POP1: variants seen among roughly 807,000 people sequenced by gnomAD.
POP1 encodes the protein ribonucleases P/MRP protein subunit POP1.
In POP1, 75 loss-of-function variants were observed where a neutral mutation model predicts 102.2. The ratio of observed to expected loss-of-function variants is 0.73; its 90% CI spans 0.61 to 0.89. The LOEUF (loss-of-function observed/expected upper bound fraction) is 0.89, where lower values mean the gene tolerates loss of function less well. Among genes scored for constraint, POP1 ranks in the 40% least tolerant of loss-of-function variants. The probability of loss-of-function intolerance (pLI) is 0.00; values close to 1 mark genes in which losing one functional copy is unlikely to be tolerated. For synonymous variants in POP1, 436 were observed against 464.1 expected (o/e 0.94, Z 0.78); for missense variants, 1,116 against 1,267.4 (o/e 0.88, Z 1.81).
chr8:98,140,928 C>A, intron 11 of POP1, 40 bp downstream of exon 11: 1 of 1,605,856 alleles, frequency 6.2e-7, no homozygotes, highest in Non-Finnish European at 8.5e-7. Flanking sequence ...CTTACTATTT[C>A]GAGCAGTCCA....
rs1317275112 is a variant in POP1 at position 98,128,386 on chromosome 8, G to A, written c.332G>A (p.Arg111Gln). 5 of 1,614,030 alleles carry A rather than the reference G, an allele frequency of 3.1e-6. No individual in the cohort carries two copies. The highest frequency in any genetic ancestry group is 1.7e-5 in the Admixed American group (1 of 60,020). The stretch of plus-strand genomic sequence containing the variant: ...ACAGCTTCTACTTTTGCTCAAGCAC[G>A]AGCTGCTGAAATCAGTGCTATGTTA... ...YITASTFAQARAAEISAMLKA... is the reference protein window; with the variant it reads ...YITASTFAQAQAAEISAMLKA... Residue 111 changes from arginine (R) to glutamine (Q), a missense_variant, in exon 4 of 16, where the codon CGA becomes CAA. Transcript: ENST00000401707.
At chr8:98,154,335 C>T (rs1174546112) in intron 14 of POP1, among the ~76,000 whole-genome samples, 3 of 151,968 alleles carry the variant, frequency 2.0e-5, no homozygotes, top group African/African-American at 7.3e-5. Context: ...AGGGGAGGGA[C>T]GGTGGTGTGA....
chr8:98,149,628 A>G (rs1465617281), intron 13 of POP1, among the ~76,000 whole-genome samples: 2 of 152,062 alleles, frequency 1.3e-5, no homozygotes. Context: ...GTGGTGGTGC[A>G]TACCTGTAAT....
At chr8:98,131,054 AC>A (rs1816365713) in intron 5 of POP1, among the ~76,000 whole-genome samples, 1 of 152,226 alleles carries the variant, frequency 6.6e-6, no homozygotes, top group Admixed American at 6.5e-5. Context: ...GTCCTTTGAT[AC>A]CCCTTGAGAG....
At chr8:98,136,998 T>G (rs1473819340) in intron 9 of POP1, 44 bp downstream of exon 9, 1 of 1,524,144 alleles carries the variant, frequency 6.6e-7, no homozygotes, top group Non-Finnish European at 9.1e-7. Context: ...AATCATGTTT[T>G]TCCTGTCAAA....
intron 7 of POP1, among the ~76,000 whole-genome samples, chr8:98,135,911 C>G (rs1816523166): frequency 6.6e-6 from 1 of 151,970 alleles, no homozygotes; most frequent in Admixed American, 6.6e-5. Flanking sequence ...CTATGTTGCC[C>G]AGGCCATGGT....
At position 98,158,856 on chromosome 8, in the gene POP1, A is replaced by G. The variant is rs1175873251; in HGVS notation, c.*585A>G. 6.6e-6 allele frequency: 1 copy of G among 152,376 alleles called. No individual in the cohort carries two copies. Among genetic ancestry groups the G allele is most frequent in the Non-Finnish European group, 1.5e-5 (1 of 68,190 alleles). The allele number at this position is 152,376 out of a possible 1,614,324, so 9.4% of individuals were successfully genotyped here. On this transcript the variant is annotated 3_prime_UTR_variant, in exon 16 of 16. Coordinates refer to ENST00000401707, the MANE Select transcript of POP1 (RefSeq NM_001145860.2). ...TTTATGGCGTCAGTGCTAGGCTGGA[A>G]TTAGAAAGTGGGGGTCTATGACGTG...
intron 12 of POP1, 26 bp from the exon 13 acceptor site, chr8:98,148,789 T>G: frequency 6.3e-7 from 1 of 1,597,198 alleles, no homozygotes; most frequent in East Asian, 2.2e-5. Flanking sequence ...GGGCTATTTG[T>G]CTTGAATTAT....
Position 98,117,322 on chromosome 8 carries a change from T to G in POP1, c.-71T>G. ...GCTCTCCAGCGCGCTCTCCAGGAGC[T>G]TTGGCTCGGTGGGTACTGTCGCGGA... is the stretch of plus-strand genomic sequence containing the variant. On this transcript the variant is annotated 5_prime_UTR_variant, in exon 1 of 16. Transcript: ENST00000401707. The G allele has an allele frequency of 1.7e-6, 1 of 572,988 alleles. No individual in the cohort carries two copies. Among genetic ancestry groups the G allele is most frequent in the Non-Finnish European group, 3.1e-6 (1 of 321,432 alleles). The allele number at this position is 572,988 out of a possible 1,614,324, so 35.5% of individuals were successfully genotyped here. A position where few individuals can be genotyped will look rare whatever the true frequency, so the allele number is the denominator to read the frequency against.
intron 11 of POP1, 74 bp from the exon 12 acceptor site, chr8:98,146,490 GGCCT>G: frequency 1.0e-6 from 1 of 958,966 alleles, no homozygotes; most frequent in Non-Finnish European, 1.7e-6. Context: ...TGTAACAAAA[GGCCT>G]ATTGCCAATG....
chr8:98,134,586 A>G lies in POP1; in HGVS notation c.938A>G (p.Lys313Arg). Residue 313 changes from lysine to arginine, a missense_variant, in exon 7 of 16, where the codon AAG becomes AGG. By Grantham distance (26) the Lys-to-Arg change is conservative. Coordinates refer to ENST00000401707, the MANE Select transcript of POP1 (RefSeq NM_001145860.2). Reference sequence around the variant, plus strand: ...CTTGGGCCTGTTACGTTTATCTGGAAGTCCCAGAGGACCCCGGGTGACCCT... The same window carrying G: ...CTTGGGCCTGTTACGTTTATCTGGAGGTCCCAGAGGACCCCGGGTGACCCT... ...EMLGPVTFIW[K>R]SQRTPGDPSE... 1 of 1,614,218 alleles carries G rather than the reference A, an allele frequency of 6.2e-7. No homozygotes were observed. Among genetic ancestry groups the G allele is most frequent in the Non-Finnish European group, 8.5e-7 (1 of 1,180,018 alleles).
rs1173348372 is a variant in POP1 at position 98,136,569 on chromosome 8, T to G, written c.1099T>G (p.Ser367Ala). 2 of 1,613,730 alleles carry G rather than the reference T, an allele frequency of 1.2e-6. No individual in the cohort carries two copies. Among genetic ancestry groups the G allele is most frequent in the Non-Finnish European group, 1.7e-6 (2 of 1,179,910 alleles). ...CATCGCTGACCCACTTCCAACACCA[T>G]CCCAAGAAAAAAGCCAAACTGAATT... ...VCIADPLPTP[S>A]QEKSQTELPD... is the part of the protein sequence containing the mutation. The change falls in exon 8 of 16, where the codon TCC becomes GCC. Residue 367 changes from serine (S) to alanine (A), a missense_variant. Ser to Ala is a moderately conservative substitution (Grantham distance 99). Coordinates refer to ENST00000401707, the MANE Select transcript of POP1 (RefSeq NM_001145860.2).
chr8:98,148,663 A>G, intron 12 of POP1, 152 bp from the exon 13 acceptor site: 1 of 736,648 alleles, frequency 1.4e-6, no homozygotes, highest in Non-Finnish European at 2.3e-6. Context: ...AATACCTTAT[A>G]CTTAAAATGG....
Position 98,156,271 on chromosome 8 carries a change from G to T in POP1, c.2279G>T (p.Gly760Val), listed in dbSNP as rs941676287. Residue 760 changes from glycine to valine, a missense_variant, in exon 15 of 16, where the codon GGC becomes GTC. By Grantham distance (109) the Gly-to-Val change is moderately radical (BLOSUM62 -3). Transcript: ENST00000401707. ...ACTCATCAGCCATCTGATGAAGTGG[G>T]CACATCCATAGAGCACCCCAGGGAG... ...KKTHQPSDEVGTSIEHPREAE... is the reference protein window; with the variant it reads ...KKTHQPSDEVVTSIEHPREAE... The T allele has an allele frequency of 3.1e-6, 5 of 1,613,994 alleles. No homozygotes were observed. The African/African-American group carries it at 5.3e-5, about 17-fold the overall frequency.
intron 11 of POP1, among the ~76,000 whole-genome samples, chr8:98,144,110 C>T (rs1354153647): frequency 4.6e-5 from 7 of 151,810 alleles, no homozygotes; most frequent in Non-Finnish European, 4.4e-5. Context: ...GAGCTGAGAT[C>T]GCACCACCAC....
intron 11 of POP1, among the ~76,000 whole-genome samples, chr8:98,141,720 A>ATT (rs933222679): frequency 1.1e-4 from 14 of 133,138 alleles, no homozygotes; most frequent in African/African-American, 2.2e-4. Context: ...CGCCTGGCTA[A>ATT]TTTTTTTTTT....
At chr8:98,137,960 A>T (rs1460072279) in intron 9 of POP1, among the ~76,000 whole-genome samples, 1 of 152,200 alleles carries the variant, frequency 6.6e-6, no homozygotes, top group Non-Finnish European at 1.5e-5. Flanking sequence ...GTCAAATACG[A>T]TGATAGAGCT....
intron 1 of POP1, among the ~76,000 whole-genome samples, chr8:98,121,437 TAGAC>T (rs1015507558): frequency 2.2e-4 from 33 of 151,952 alleles, no homozygotes; most frequent in African/African-American, 7.5e-4. Context: ...CCAGGGATAT[TAGAC>T]AGCCTGCTAT....
chr8:98,128,190 A>G (rs1367850842), intron 3 of POP1, among the ~76,000 whole-genome samples, 175 bp from the exon 4 acceptor site: 1 of 151,674 alleles, frequency 6.6e-6, no homozygotes, highest in Non-Finnish European at 1.5e-5. Context: ...CATCCACACT[A>G]CCACAATTAA....
Sources: allele counts gnomAD v4.1 joint callset (sites outside exome capture counted in the v4.1 genomes callset), GRCh38; gene constraint gnomAD v4.1.1; transcripts MANE v1.5; gene names NCBI Gene and HGNC (gene_info 2026-07-23, HGNC 2026-07-21).